CNBD1: variants seen among roughly 807,000 people sequenced by gnomAD.
CNBD1 encodes cyclic nucleotide binding domain containing 1.
A neutral mutation model predicts 54.4 loss-of-function variants in CNBD1; 71 were observed. The observed-to-expected ratio is 1.30, with a 90% CI of 1.08 to 1.59. The LOEUF is 1.59. Among genes scored for constraint, CNBD1 ranks in the 40% most tolerant of loss-of-function variants. The pLI, the probability that CNBD1 is intolerant of heterozygous loss-of-function variation, is 0.00. For synonymous variants in CNBD1, 182 were observed against 170.7 expected (o/e 1.07, Z -0.51); for missense variants, 659 against 518.0 (o/e 1.27, Z -2.64).
At chr8:87,275,489 A>T (rs982038572) in intron 6 of CNBD1, among the ~76,000 whole-genome samples, 1 of 151,644 alleles carries the variant, frequency 6.6e-6, no homozygotes, top group African/African-American at 2.4e-5. Flanking sequence ...GAGGTCCAAT[A>T]GATGCAGAAA....
intron 10 of CNBD1, among the ~76,000 whole-genome samples, chr8:87,369,892 A>G (rs1467124258): frequency 3.3e-5 from 5 of 151,432 alleles, no homozygotes; most frequent in Non-Finnish European, 7.4e-5. Flanking sequence ...CCGACCCCAC[A>G]ACAGTCCCCA....
At chr8:87,385,232 C>T (rs1811158167), downstream of CNBD1, among the ~76,000 whole-genome samples, 1 of 152,102 alleles carries the variant, frequency 6.6e-6, no homozygotes. Context: ...TCCAACTGAG[C>T]TACCGGGTTC....
chr8:87,337,177 T>C (rs1236578661), intron 8 of CNBD1, among the ~76,000 whole-genome samples: 1 of 152,130 alleles, frequency 6.6e-6, no homozygotes, highest in Non-Finnish European at 1.5e-5. Context: ...TTACCCAGCT[T>C]GGTGGGATGG....
chr8:87,327,934 G>A (rs1211741394), intron 8 of CNBD1, among the ~76,000 whole-genome samples: 3 of 151,796 alleles, frequency 2.0e-5, no homozygotes, highest in East Asian at 3.9e-4. Context: ...GTAAGAGTCT[G>A]TGTGATTTTT....
intron 6 of CNBD1, among the ~76,000 whole-genome samples, chr8:87,279,273 T>C (rs903389915): frequency 2.6e-5 from 4 of 151,108 alleles, no homozygotes; most frequent in African/African-American, 9.7e-5. Context: ...AAAATGATAA[T>C]GAAAGAATAT....
intron 2 of CNBD1, among the ~76,000 whole-genome samples, chr8:87,419,868 C>T (rs1024441728): frequency 1.3e-5 from 2 of 151,174 alleles, no homozygotes; most frequent in Admixed American, 6.6e-5. Flanking sequence ...TTATTTAATT[C>T]GCCCATGGTA....
chr8:87,412,705 A>C (rs896135057), intron 2 of CNBD1, among the ~76,000 whole-genome samples: 4 of 152,110 alleles, frequency 2.6e-5, no homozygotes, highest in Non-Finnish European at 5.9e-5. Context: ...GGACTCATCC[A>C]GGAAAAACAT....
chr8:87,302,291 T>A (rs1280536478), intron 8 of CNBD1, among the ~76,000 whole-genome samples: 4 of 152,186 alleles, frequency 2.6e-5, no homozygotes. Flanking sequence ...TTATCCAACA[T>A]GATCAAGTGG....
intron 4 of CNBD1, among the ~76,000 whole-genome samples, chr8:87,059,332 A>G (rs946411666): frequency 2.0e-5 from 3 of 151,924 alleles, no homozygotes; most frequent in South Asian, 2.1e-4. Context: ...AACTATTTCA[A>G]CCTCTGCCTA....
At chr8:87,132,793 A>G (rs546946653) in intron 4 of CNBD1, among the ~76,000 whole-genome samples, 40 of 143,374 alleles carry the variant, frequency 2.8e-4, no homozygotes, top group African/African-American at 6.5e-4. Flanking sequence ...GCATATATAT[A>G]TGTGTATATA....
chr8:87,269,874 C>G (rs772241402), intron 6 of CNBD1, among the ~76,000 whole-genome samples: 1 of 151,884 alleles, frequency 6.6e-6, no homozygotes, highest in Non-Finnish European at 1.5e-5. Context: ...GAAATTATTC[C>G]ACAAAATCAA....
intron 4 of CNBD1, among the ~76,000 whole-genome samples, chr8:87,073,348 A>G (rs1383696012): frequency 1.3e-5 from 2 of 151,956 alleles, no homozygotes; most frequent in African/African-American, 2.4e-5. Flanking sequence ...CCCTTGCCGG[A>G]GAGGTATTGT....
intron 8 of CNBD1, among the ~76,000 whole-genome samples, chr8:87,308,962 A>G (rs1241303923): frequency 5.9e-5 from 9 of 152,182 alleles, no homozygotes; most frequent in Non-Finnish European, 1.3e-4. Context: ...TTATGTATGC[A>G]TGCCACATTT....
chr8:87,223,776 CA>C (rs1814405939), intron 5 of CNBD1, among the ~76,000 whole-genome samples: 1 of 152,070 alleles, frequency 6.6e-6, no homozygotes, highest in African/African-American at 2.4e-5. Flanking sequence ...ATGGCTGGGT[CA>C]AATGGTATTT....
At chr8:86,908,628 C>T (rs900795840) in intron 3 of CNBD1, among the ~76,000 whole-genome samples, 10 of 151,752 alleles carry the variant, frequency 6.6e-5, no homozygotes, top group African/African-American at 2.2e-4. Flanking sequence ...AGAAATTGAC[C>T]TTTTTTCAAA....
chr8:87,077,412 C>T (rs1181094816), intron 4 of CNBD1, among the ~76,000 whole-genome samples: 8 of 129,548 alleles, frequency 6.2e-5, no homozygotes, highest in African/African-American at 1.1e-4. Flanking sequence ...TCTTCTTCTT[C>T]TTTTTTTTTT....
Position 87,353,826 on chromosome 8 carries a change from T to C in CNBD1, c.1303+40T>C, listed in dbSNP as rs551443449. 3 of 1,486,200 alleles carry C rather than the reference T, an allele frequency of 2.0e-6. No individual in the cohort carries two copies. In the South Asian group the frequency reaches 3.8e-5, roughly 19 times the overall value. The allele number at this position is 1,486,200 out of a possible 1,614,324, so 92.1% of individuals were successfully genotyped here. ...ATCTTTTAACTGTTATACCATTTTA[T>C]TGGATGAGTTCTTAAATTTTTTAAA... is the stretch of plus-strand genomic sequence containing the variant. On this transcript the variant is annotated intron_variant, in intron 10 of 10. Coordinates refer to ENST00000518476, the MANE Select transcript of CNBD1 (RefSeq NM_173538.3).
At position 87,041,870 on chromosome 8, in the gene CNBD1, TTG is replaced by T. The variant is rs1439551998; in HGVS notation, c.431+102120_431+102121del. 3.9e-5 allele frequency among the ~76,000 whole-genome samples: 6 copies of T among 152,252 alleles called. No individual in the cohort carries two copies. The East Asian group carries it at 1.2e-3, about 29-fold the overall frequency. On this transcript the variant is annotated intron_variant, in intron 4 of 10. Transcript: ENST00000518476. The stretch of plus-strand genomic sequence containing the variant: ...TGCTCTGACCTAAGTATGGTTAGTG[TTG>T]TGTTTGTTACTGGGTGGACTAGATA...
At chr8:87,350,831 T>C (rs1240720231) in intron 8 of CNBD1, among the ~76,000 whole-genome samples, 1 of 151,740 alleles carries the variant, frequency 6.6e-6, no homozygotes, top group Non-Finnish European at 1.5e-5. Flanking sequence ...TTGCCAAGTA[T>C]TTAAATCATG....
Sources: allele counts gnomAD v4.1 joint callset (sites outside exome capture counted in the v4.1 genomes callset), GRCh38; gene constraint gnomAD v4.1.1; transcripts MANE v1.5; gene names NCBI Gene and HGNC (gene_info 2026-07-23, HGNC 2026-07-21).